The following SV2C variants were observed in gnomAD, a reference collection of about 807,000 sequenced individuals.
SV2C encodes solute carrier family 22 member B3.
Under a neutral mutation model 79.7 loss-of-function variants are expected in SV2C, and 49 were observed. That is an observed-to-expected ratio of 0.61 (90% CI 0.49 to 0.78). The LOEUF is 0.78. Among genes scored for constraint, SV2C ranks in the 30% least tolerant of loss-of-function variants. The probability of loss-of-function intolerance (pLI) is 0.00; values close to 1 mark genes in which losing one functional copy is unlikely to be tolerated. For missense variants in SV2C, 833 were observed against 912.9 expected (o/e 0.91, Z 1.13); for synonymous variants, 334 against 333.2 (o/e 1.00, Z -0.03).
At chr5:75,901,228 G>T in the SV2C span, among the ~76,000 whole-genome samples, 4 of 152,030 alleles carry the variant, frequency 2.6e-5, no homozygotes, top group Non-Finnish European at 5.9e-5. Flanking sequence ...ATCTACTTTT[G>T]GTCTTTGATG....
intron 1 of SV2C, among the ~76,000 whole-genome samples, chr5:76,120,609 C>G (rs1432063441): frequency 1.4e-5 from 2 of 144,084 alleles, no homozygotes; most frequent in African/African-American, 2.6e-5. Context: ...TGAGTGAGAA[C>G]ATGCGGTGTT....
chr5:76,074,629 C>T, the SV2C span, among the ~76,000 whole-genome samples: 2 of 152,184 alleles, frequency 1.3e-5, no homozygotes, highest in African/African-American at 4.8e-5. Context: ...TTTTCATCTT[C>T]CTTTCTCATC....
chr5:76,233,058 T>C (rs752155515), intron 4 of SV2C, among the ~76,000 whole-genome samples: 13 of 141,874 alleles, frequency 9.2e-5, no homozygotes, highest in Non-Finnish European at 1.9e-4. Flanking sequence ...ATATTGATTC[T>C]TCCTACCCAT....
intron 4 of SV2C, among the ~76,000 whole-genome samples, chr5:76,254,319 C>T (rs924426480): frequency 4.0e-5 from 6 of 151,690 alleles, no homozygotes; most frequent in African/African-American, 1.5e-4. Flanking sequence ...CACATCCAGC[C>T]AGCCAATGTG....
At chr5:76,287,887 C>T (rs568813265) in intron 6 of SV2C, among the ~76,000 whole-genome samples, 2 of 152,216 alleles carry the variant, frequency 1.3e-5, no homozygotes, top group South Asian at 4.1e-4. Flanking sequence ...GAGATCGAGA[C>T]CATCCTGGCC....
At chr5:76,232,380 T>C (rs1301690259) in intron 4 of SV2C, among the ~76,000 whole-genome samples, 2 of 150,812 alleles carry the variant, frequency 1.3e-5, no homozygotes, top group Admixed American at 1.3e-4. Flanking sequence ...TTCTCTCATT[T>C]TGTAGGTTGC....
At chr5:75,899,627 C>G in the SV2C span, among the ~76,000 whole-genome samples, 2 of 151,996 alleles carry the variant, frequency 1.3e-5, no homozygotes, top group African/African-American at 2.4e-5. Context: ...CCCTTGTTAA[C>G]TTTCTGTCTC....
At chr5:75,974,487 C>T in the SV2C span, among the ~76,000 whole-genome samples, 2 of 151,970 alleles carry the variant, frequency 1.3e-5, no homozygotes, top group African/African-American at 4.8e-5. Flanking sequence ...ATGGAATGAC[C>T]GTTCTTCTCA....
the SV2C span, among the ~76,000 whole-genome samples, chr5:75,899,649 T>C: frequency 0.025 from 3,751 of 152,238 alleles, 152 homozygotes; most frequent in African/African-American, 0.086. Context: ...TTGATCTGTC[T>C]AATGTTGACA....
Position 76,300,744 on chromosome 5 carries a change from A to G in SV2C, c.1652A>G (p.Lys551Arg). 6.2e-7 allele frequency: 1 copy of G among 1,614,098 alleles called. No homozygotes were observed. The highest frequency in any genetic ancestry group is 1.7e-4 in the Middle Eastern group (1 of 6,060). Residue 551 changes from lysine to arginine, a missense_variant, in exon 11 of 13, where the codon AAA becomes AGA. Lys to Arg is a conservative substitution (Grantham distance 26). Coordinates refer to ENST00000502798, the MANE Select transcript of SV2C (RefSeq NM_014979.4). The stretch of plus-strand genomic sequence containing the variant: ...GTTTCTACAGATTTTGAGCCATATA[A>G]ATTCATTGACAGTGAATTTAAAAAC... Reference protein sequence around the residue: ...VFDNTDFEPYKFIDSEFKNCS... With the variant: ...VFDNTDFEPYRFIDSEFKNCS...
At chr5:75,881,243 T>A in the SV2C span, among the ~76,000 whole-genome samples, 1 of 152,198 alleles carries the variant, frequency 6.6e-6, no homozygotes, top group Non-Finnish European at 1.5e-5. Flanking sequence ...TCATTTCACC[T>A]AATTCCTCAA....
At chr5:75,923,895 A>G in the SV2C span, among the ~76,000 whole-genome samples, 1 of 152,182 alleles carries the variant, frequency 6.6e-6, no homozygotes, top group Admixed American at 6.5e-5. Flanking sequence ...CGAACCAGCA[A>G]TCTCACTACT....
At chr5:75,869,727 A>G in the SV2C span, among the ~76,000 whole-genome samples, 1 of 152,114 alleles carries the variant, frequency 6.6e-6, no homozygotes, top group African/African-American at 2.4e-5. Context: ...CTGGCTTCAG[A>G]TCTGACCTGC....
chr5:76,243,012 T>TAAAAAA lies in SV2C; in HGVS notation c.913+33148_913+33153dup, dbSNP rs559052290. On this transcript the variant is annotated intron_variant, in intron 4 of 12. Coordinates refer to ENST00000502798, the MANE Select transcript of SV2C (RefSeq NM_014979.4). ...CTGTGCAACAGATCGAGACCCCATC[T>TAAAAAA]AAAAAAAAAAAAAAAAAAAAAAAAA... 2.5e-3 allele frequency among the ~76,000 whole-genome samples: 125 copies of TAAAAAA among 49,920 alleles called. 5 individuals carry two copies. Among genetic ancestry groups the TAAAAAA allele is most frequent in the Non-Finnish European group, 2.7e-3 (75 of 28,166 alleles). 32.7% of individuals were successfully genotyped at this position (49,920 alleles called of 152,430 possible).
At chr5:76,290,963 T>A (rs974922267) in intron 6 of SV2C, among the ~76,000 whole-genome samples, 1 of 152,208 alleles carries the variant, frequency 6.6e-6, no homozygotes, top group African/African-American at 2.4e-5. Context: ...CATTTTGGTT[T>A]CACATTATTC....
At chr5:75,904,631 A>G in the SV2C span, among the ~76,000 whole-genome samples, 2 of 152,190 alleles carry the variant, frequency 1.3e-5, no homozygotes, top group African/African-American at 2.4e-5. Flanking sequence ...GCACAACTCA[A>G]TGAGCTTGCC....
At chr5:75,907,598 A>G in the SV2C span, among the ~76,000 whole-genome samples, 211 of 152,320 alleles carry the variant, frequency 1.4e-3, 3 homozygotes, top group Non-Finnish European at 1.3e-3. Flanking sequence ...GAAACATCAT[A>G]AGGCATAAGT....
At chr5:76,181,428 A>C (rs1743727731) in intron 2 of SV2C, among the ~76,000 whole-genome samples, 1 of 152,172 alleles carries the variant, frequency 6.6e-6, no homozygotes, top group South Asian at 2.1e-4. Context: ...GTCTGTTTTC[A>C]CACTGCTATA....
At chr5:75,898,265 G>A in the SV2C span, among the ~76,000 whole-genome samples, 1 of 152,250 alleles carries the variant, frequency 6.6e-6, no homozygotes, top group African/African-American at 2.4e-5. Context: ...TTTATTGAGA[G>A]CTTTTAGCAT....
Sources: gnomAD v4.1 joint callset for allele counts (sites outside exome capture counted in the v4.1 genomes callset) on GRCh38, gnomAD v4.1.1 for gene constraint, MANE v1.5 for transcripts, NCBI Gene and HGNC (gene_info 2026-07-23, HGNC 2026-07-21) for gene names.